RNF157: variants seen among roughly 807,000 people sequenced by gnomAD.
RNF157 encodes ring finger protein 157.
Under a neutral mutation model 88.3 loss-of-function variants are expected in RNF157, and 55 were observed. The observed-to-expected ratio is 0.62, with a 90% CI of 0.50 to 0.78. RNF157 has a LOEUF of 0.78. Among genes scored for constraint, RNF157 ranks in the 30% least tolerant of loss-of-function variants. RNF157 has a pLI of 0.00. For synonymous variants in RNF157, 334 were observed against 341.2 expected (o/e 0.98, Z 0.23); for missense variants, 788 against 860.8 (o/e 0.92, Z 1.06).
At position 76,160,676 on chromosome 17, in the gene RNF157, T is replaced by A. The variant is rs548732060; in HGVS notation, c.1065+859A>T. 3.3e-5 allele frequency among the ~76,000 whole-genome samples: 5 copies of A among 152,312 alleles called. No homozygotes were observed. The highest frequency in any genetic ancestry group is 7.2e-5 in the African/African-American group (3 of 41,574). ...TGATACACACATTGTAAATAGTTTT[T>A]AAAAAAACACTATTTGTTGTCTAAC... On this transcript the variant is annotated intron_variant, in intron 11 of 18. Coordinates refer to ENST00000269391, the MANE Select transcript of RNF157 (RefSeq NM_052916.3). This position sits in a 1 kb window ranked among gnomAD's most constrained non-coding sequence, Gnocchi z 4.3.
chr17:76,155,764 C>T (rs966314231), intron 14 of RNF157, 30 bp from the exon 15 acceptor site: 103 of 1,500,068 alleles, frequency 6.9e-5, no homozygotes, highest in Non-Finnish European at 9.1e-5. Context: ...GGAAAGGAGC[C>T]TGGAGGTCAG....
At chr17:76,221,029 G>C (rs776083347) in intron 1 of RNF157, among the ~76,000 whole-genome samples, 1 of 152,070 alleles carries the variant, frequency 6.6e-6, no homozygotes, top group Non-Finnish European at 1.5e-5. Context: ...GCTGAGGCGG[G>C]AGAATTACTT....
At chr17:76,152,962 A>G (rs1413425512) in intron 17 of RNF157, among the ~76,000 whole-genome samples, 2 of 152,276 alleles carry the variant, frequency 1.3e-5, no homozygotes, top group Admixed American at 1.3e-4. Flanking sequence ...ATATCAAATC[A>G]GAATGACTAC....
intron 1 of RNF157, among the ~76,000 whole-genome samples, chr17:76,230,300 C>G (rs767962907): frequency 1.1e-4 from 17 of 152,206 alleles, no homozygotes; most frequent in South Asian, 2.1e-4. Flanking sequence ...ATTTAGGACT[C>G]ACTTCAAAAG....
At chr17:76,205,847 A>G (rs1296402063) in intron 2 of RNF157, among the ~76,000 whole-genome samples, 1 of 152,230 alleles carries the variant, frequency 6.6e-6, no homozygotes, top group Non-Finnish European at 1.5e-5. Context: ...TACAGAACAC[A>G]CGAGAGGATA....
rs951081637 is a variant in RNF157, at chr17:76,156,198, C to T, written c.1525+12G>A. ...GGGAAGGACATGCAGCCACTCCCCG[C>T]TCCTTATGTACCTTCTGGGGAGGAA... On this transcript the variant is annotated intron_variant, in intron 14 of 18. Transcript: ENST00000269391. 7.5e-6 allele frequency: 12 copies of T among 1,602,630 alleles called. No individual in the cohort carries two copies. The highest frequency in any genetic ancestry group is 1.7e-5 in the Admixed American group (1 of 59,942).
Position 76,167,688 on chromosome 17 carries a change from A to G in RNF157, c.406T>C (p.Tyr136His), listed in dbSNP as rs775227822. ...TTCTGGAACTCTTCCGTGGCCTGGT[A>G]ATAGATGGTGATGGCTACCCGAGCA... ...TDARVAITIY[Y>H]QATEEFQNGI... Residue 136 changes from tyrosine (Y) to histidine (H), a missense_variant, in exon 4 of 19, where the codon TAC becomes CAC. Physicochemically the swap from Tyr to His is moderately conservative, Grantham distance 83. Transcript: ENST00000269391. The G allele has an allele frequency of 1.1e-5, 17 of 1,614,150 alleles. 1 individual carries two copies. Among genetic ancestry groups the G allele is most frequent in the Non-Finnish European group, 3.4e-6 (4 of 1,180,034 alleles).
In RNF157 at chr17:76,194,878, G is replaced by A. The variant is rs372327349; in HGVS notation, c.207+17486C>T. 1.4e-4 allele frequency among the ~76,000 whole-genome samples: 22 copies of A among 152,250 alleles called. No individual in the cohort carries two copies. The East Asian group carries it at 3.1e-3, about 21-fold the overall frequency. On this transcript the variant is annotated intron_variant, in intron 2 of 18. Transcript: ENST00000269391. ...AAAATACAAAAAATTAGCCAGGCGTGGTGGCGGGCGCCTGTAGTCCCAGCT... is the reference window on the plus strand; with the variant it reads ...AAAATACAAAAAATTAGCCAGGCGTAGTGGCGGGCGCCTGTAGTCCCAGCT...
intron 17 of RNF157, chr17:76,154,033 G>A: frequency 6.2e-6 from 3 of 487,020 alleles, no homozygotes; most frequent in South Asian, 2.1e-5. Context: ...ATATGGACCT[G>A]TATGTATCTC....
chr17:76,156,198 C>A lies in RNF157; in HGVS notation c.1525+12G>T, dbSNP rs951081637. The A allele has an allele frequency of 5.2e-5, 83 of 1,602,630 alleles. No individual in the cohort carries two copies. Among genetic ancestry groups the A allele is most frequent in the Non-Finnish European group, 6.8e-5 (80 of 1,169,778 alleles). On this transcript the variant is annotated intron_variant, in intron 14 of 18. Coordinates refer to ENST00000269391, the MANE Select transcript of RNF157 (RefSeq NM_052916.3). ...GGGAAGGACATGCAGCCACTCCCCG[C>A]TCCTTATGTACCTTCTGGGGAGGAA...
At chr17:76,232,137 C>T (rs989375159) in intron 1 of RNF157, among the ~76,000 whole-genome samples, 1 of 152,174 alleles carries the variant, frequency 6.6e-6, no homozygotes, top group African/African-American at 2.4e-5. Flanking sequence ...AATTCCTGCA[C>T]TTTGAGAGGC....
intron 1 of RNF157, among the ~76,000 whole-genome samples, chr17:76,218,513 C>G (rs936021040): frequency 3.9e-5 from 6 of 152,082 alleles, no homozygotes; most frequent in African/African-American, 1.4e-4. Context: ...GGCATGGTGG[C>G]ATGTGCTTGT....
At chr17:76,192,564 A>C (rs1477751396) in intron 2 of RNF157, among the ~76,000 whole-genome samples, 1 of 152,108 alleles carries the variant, frequency 6.6e-6, no homozygotes, top group Non-Finnish European at 1.5e-5. Context: ...GCCCATGGTG[A>C]CTCTTTAGAT....
At chr17:76,145,437 G>A (rs2068570125) in intron 18 of RNF157, 84 bp from the exon 19 acceptor site, 9 of 969,510 alleles carry the variant, frequency 9.3e-6, no homozygotes, top group Non-Finnish European at 1.3e-5. Context: ...CCCAGGAGCC[G>A]GCACGGAAGG....
chr17:76,196,977 A>G (rs190805049), intron 2 of RNF157, among the ~76,000 whole-genome samples: 1 of 152,214 alleles, frequency 6.6e-6, no homozygotes, highest in Non-Finnish European at 1.5e-5. Flanking sequence ...TGTCTTCCTC[A>G]TCTCTAGAGA....
intron 16 of RNF157, 34 bp downstream of exon 16, chr17:76,155,218 G>A: frequency 1.9e-6 from 3 of 1,598,388 alleles, no homozygotes; most frequent in Non-Finnish European, 2.6e-6. Flanking sequence ...TCTGGTTGTG[G>A]GAAGGGGGCA....
At chr17:76,190,397 C>A (rs997155732) in intron 2 of RNF157, among the ~76,000 whole-genome samples, 1 of 151,988 alleles carries the variant, frequency 6.6e-6, no homozygotes, top group Non-Finnish European at 1.5e-5. Context: ...AAACCCCTGG[C>A]CCCAAGTGAT....
chr17:76,223,035 C>T (rs547669773), intron 1 of RNF157, among the ~76,000 whole-genome samples: 7 of 152,012 alleles, frequency 4.6e-5, no homozygotes, highest in Non-Finnish European at 7.4e-5. Flanking sequence ...GGACTACAGG[C>T]GCCCGCCACC....
chr17:76,157,210 C>T lies in RNF157; in HGVS notation c.1414-889G>A, dbSNP rs983441729. On this transcript the variant is annotated intron_variant, in intron 13 of 18. Coordinates refer to ENST00000269391, the MANE Select transcript of RNF157 (RefSeq NM_052916.3). The surrounding 1 kb of genome is among the most constrained non-coding windows in gnomAD (Gnocchi z 5.6). Reference sequence around the variant, plus strand: ...CTCGATCTCCTGACCTCGTGATCCGCCCGCCTCGGCCTCCCAAAGTGCCGG... The same window carrying T: ...CTCGATCTCCTGACCTCGTGATCCGTCCGCCTCGGCCTCCCAAAGTGCCGG... 2.0e-5 allele frequency among the ~76,000 whole-genome samples: 3 copies of T among 152,236 alleles called. No homozygotes were observed. The highest frequency in any genetic ancestry group is 4.4e-5 in the Non-Finnish European group (3 of 68,042).
Sources: allele counts gnomAD v4.1 joint callset (sites outside exome capture counted in the v4.1 genomes callset), GRCh38; gene constraint gnomAD v4.1.1; non-coding constraint Gnocchi (gnomAD v3.1); transcripts MANE v1.5; gene names NCBI Gene and HGNC (gene_info 2026-07-23, HGNC 2026-07-21).